The following JPH3 variants were observed in gnomAD, a reference collection of about 807,000 sequenced individuals.
The protein encoded by JPH3 is junctophilin-3.
In JPH3, 11 loss-of-function variants were observed where a neutral mutation model predicts 59.6. The observed-to-expected ratio is 0.18, with a 90% CI of 0.12 to 0.31. The LOEUF (loss-of-function observed/expected upper bound fraction) is 0.31. Ranked by LOEUF, JPH3 falls within the 10% of genes least tolerant of loss-of-function variation. The pLI is 1.00. For synonymous variants in JPH3, 673 were observed against 483.6 expected, an observed-to-expected ratio of 1.39 and a Z score of -5.14; for missense variants, 1,202 against 1,105.7, an observed-to-expected ratio of 1.09 and a Z score of -1.24.
intron 3 of JPH3, 139 bp from the exon 4 acceptor site, chr16:87,689,507 C>T: frequency 1.1e-6 from 1 of 940,554 alleles, no homozygotes; most frequent in Non-Finnish European, 1.6e-6. Context: ...ACTCCCCTCC[C>T]TTGCCTGCAG....
chr16:87,652,011 G>C (rs931057733), intron 2 of JPH3, among the ~76,000 whole-genome samples: 1 of 151,740 alleles, frequency 6.6e-6, no homozygotes, highest in Admixed American at 6.6e-5. Context: ...GTCTCGCTCT[G>C]TTGCCCAGGC....
chr16:87,625,398 G>C (rs952366821), intron 1 of JPH3, among the ~76,000 whole-genome samples: 2 of 152,122 alleles, frequency 1.3e-5, no homozygotes, highest in Non-Finnish European at 2.9e-5. Context: ...CCAGCAGCTC[G>C]CAGGCTGCCT....
At chr16:87,652,695 C>A (rs2032364245) in intron 2 of JPH3, among the ~76,000 whole-genome samples, 1 of 152,206 alleles carries the variant, frequency 6.6e-6, no homozygotes, top group Non-Finnish European at 1.5e-5. Flanking sequence ...CGGAGGTGGC[C>A]ACCTAGATGA....
chr16:87,663,068 C>T (rs1278058976), intron 2 of JPH3, among the ~76,000 whole-genome samples: 1 of 151,952 alleles, frequency 6.6e-6, no homozygotes, highest in Admixed American at 6.5e-5. Context: ...AGTTTTGATC[C>T]AGGGCTACAG....
At chr16:87,647,987 G>T (rs1567598085) in intron 2 of JPH3, among the ~76,000 whole-genome samples, 1 of 152,346 alleles carries the variant, frequency 6.6e-6, no homozygotes, top group East Asian at 1.9e-4. Flanking sequence ...GCTGAAGGGG[G>T]GCGGGGCTCC....
chr16:87,630,502 C>G (rs930529953), intron 1 of JPH3, among the ~76,000 whole-genome samples: 7 of 148,334 alleles, frequency 4.7e-5, no homozygotes, highest in Non-Finnish European at 1.0e-4. Context: ...TCACCCACAC[C>G]CACGTTGACA....
chr16:87,665,565 G>C (rs2032835233), intron 2 of JPH3, among the ~76,000 whole-genome samples: 1 of 152,238 alleles, frequency 6.6e-6, no homozygotes, highest in African/African-American at 2.4e-5. Flanking sequence ...CAGATGCTGA[G>C]ACAGGCCTAG....
At position 87,644,589 on chromosome 16, in the gene JPH3, C is replaced by G. The variant is rs1394720182; in HGVS notation, c.714C>G (p.Arg238=). The change falls in exon 2 of 5, where the codon CGC becomes CGG. Residue 238 remains arginine, a synonymous_variant. Transcript: ENST00000284262. ...CCAAGAGCAGCCTGGCCAGCCAACG[C>G]AGCAAGCAGAGCTCCTTTCGCAGCG... ...SESKSSLASQ[R]SKQSSFRSEA... is the part of the protein sequence containing the mutation. The G allele has an allele frequency of 1.2e-6, 2 of 1,612,988 alleles. No individual in the cohort carries two copies. The highest frequency in any genetic ancestry group is 1.7e-6 in the Non-Finnish European group (2 of 1,179,856).
At chr16:87,670,769 C>T (rs1333676145) in intron 2 of JPH3, among the ~76,000 whole-genome samples, 1 of 152,174 alleles carries the variant, frequency 6.6e-6, no homozygotes, top group Non-Finnish European at 1.5e-5. Context: ...TGCCCTGTGC[C>T]AGGCCCTGTC....
intron 2 of JPH3, among the ~76,000 whole-genome samples, chr16:87,657,804 A>G (rs1381627385): frequency 6.6e-6 from 1 of 152,200 alleles, no homozygotes; most frequent in Non-Finnish European, 1.5e-5. Context: ...TCTGTTGGCC[A>G]AAACTCGGTT....
At chr16:87,659,121 C>G (rs1240516001) in intron 2 of JPH3, among the ~76,000 whole-genome samples, 2 of 152,156 alleles carry the variant, frequency 1.3e-5, no homozygotes, top group Non-Finnish European at 2.9e-5. Flanking sequence ...TGCTTGTAAT[C>G]TCAGCCCTTT....
At chr16:87,638,518 C>T (rs367938963) in intron 1 of JPH3, among the ~76,000 whole-genome samples, 33 of 152,122 alleles carry the variant, frequency 2.2e-4, no homozygotes, top group African/African-American at 7.7e-4. Flanking sequence ...AGAATTGTGC[C>T]GGAACAGTGA....
intron 2 of JPH3, among the ~76,000 whole-genome samples, chr16:87,677,275 T>C (rs1159011074): frequency 2.8e-5 from 4 of 145,358 alleles, no homozygotes; most frequent in Non-Finnish European, 4.5e-5. Flanking sequence ...CCCAGCCACG[T>C]GGGAGGCTGA....
In JPH3 at chr16:87,633,577, G is replaced by A. The variant is rs1425592015; in HGVS notation, c.383-10681G>A. On this transcript the variant is annotated intron_variant, in intron 1 of 4. Coordinates refer to ENST00000284262, the MANE Select transcript of JPH3 (RefSeq NM_020655.4). Reference sequence around the variant, plus strand: ...AGTGCTTTGGGAGGCCGAGGCAGGCGGAGTACCTGAGGGCAGTTTGAGACC... The same window carrying A: ...AGTGCTTTGGGAGGCCGAGGCAGGCAGAGTACCTGAGGGCAGTTTGAGACC... 7.2e-5 allele frequency among the ~76,000 whole-genome samples: 11 copies of A among 151,986 alleles called. No homozygotes were observed. The East Asian group carries it at 9.7e-4, about 13-fold the overall frequency.
At position 87,616,187 on chromosome 16, in the gene JPH3, G is replaced by GTTTT. The variant is rs1555533960; in HGVS notation, c.382+12660_382+12663dup. On this transcript the variant is annotated intron_variant, in intron 1 of 4. Coordinates refer to ENST00000284262, the MANE Select transcript of JPH3 (RefSeq NM_020655.4). ...TTAAGCAGAACAGCAACGCAATCTGGTTTTGTGTGTGTGTGTGTGTGTGTG... is the reference window on the plus strand; with the variant it reads ...TTAAGCAGAACAGCAACGCAATCTGGTTTTTTTTGTGTGTGTGTGTGTGTGTGTG... Among the ~76,000 whole-genome samples, 710 of 109,024 alleles carry GTTTT rather than the reference G, an allele frequency of 6.5e-3. 8 individuals are homozygous for GTTTT. Among genetic ancestry groups the GTTTT allele is most frequent in the African/African-American group, 0.024 (679 of 28,124 alleles). The allele number at this position is 109,024 out of a possible 152,430, so 71.5% of individuals were successfully genotyped here.
intron 4 of JPH3, among the ~76,000 whole-genome samples, chr16:87,690,876 C>T (rs1028333661): frequency 2.0e-5 from 3 of 152,202 alleles, no homozygotes; most frequent in Admixed American, 1.3e-4. Flanking sequence ...AGCCTTGGGC[C>T]GTGAGATGAC....
At chr16:87,601,918 CCT>C (rs1292028299), upstream of JPH3, 1 of 152,394 alleles carries the variant, frequency 6.6e-6, no homozygotes, top group Non-Finnish European at 1.5e-5. Flanking sequence ...TCGCCAAATC[CCT>C]GTTTTCTGGG....
At chr16:87,663,718 G>A (rs1192515017) in intron 2 of JPH3, among the ~76,000 whole-genome samples, 1 of 152,146 alleles carries the variant, frequency 6.6e-6, no homozygotes, top group East Asian at 1.9e-4. Flanking sequence ...CCCCGTCTCT[G>A]CCACTCTGCA....
At chr16:87,634,969 G>T (rs57633818) in intron 1 of JPH3, among the ~76,000 whole-genome samples, 2 of 152,214 alleles carry the variant, frequency 1.3e-5, no homozygotes, top group Non-Finnish European at 2.9e-5. Context: ...CTGAGCTCCC[G>T]GGGTAGTGTG....
Sources: gnomAD v4.1 joint callset for allele counts (sites outside exome capture counted in the v4.1 genomes callset) on GRCh38, gnomAD v4.1.1 for gene constraint, MANE v1.5 for transcripts, NCBI Gene and HGNC (gene_info 2026-07-23, HGNC 2026-07-21) for gene names.